The following MLPH variants were observed in gnomAD, a reference collection of about 807,000 sequenced individuals.
MLPH encodes the protein melanophilin.
MLPH carries 51 observed loss-of-function variants against 72.1 expected under a neutral mutation model. The ratio of observed to expected loss-of-function variants is 0.71; its 90% confidence interval spans 0.56 to 0.89. The LOEUF (loss-of-function observed/expected upper bound fraction) is 0.89, where lower values mean the gene tolerates loss of function less well. MLPH is among the 40% of genes least tolerant of loss of function. MLPH has a pLI of 0.00. For synonymous variants in MLPH, 301 were observed against 310.1 expected, an observed-to-expected ratio of 0.97 and a Z score of 0.31; for missense variants, 743 against 759.9, an observed-to-expected ratio of 0.98 and a Z score of 0.26.
chr2:237,495,432 C>T (rs1325051831), intron 2 of MLPH, among the ~76,000 whole-genome samples: 1 of 152,170 alleles, frequency 6.6e-6, no homozygotes, highest in Non-Finnish European at 1.5e-5. Flanking sequence ...GGAGACCGCA[C>T]TGGAAGGGAA....
At chr2:237,528,436 C>T (rs1281181178) in intron 8 of MLPH, among the ~76,000 whole-genome samples, 2 of 151,772 alleles carry the variant, frequency 1.3e-5, no homozygotes, top group Admixed American at 1.3e-4. Context: ...CTGCAACCTC[C>T]ACCTCCCGGG....
At chr2:237,545,771 A>C in intron 12 of MLPH, 1 of 635,884 alleles carries the variant, frequency 1.6e-6, no homozygotes, top group Non-Finnish European at 2.2e-6. Flanking sequence ...TCATGACGGA[A>C]AATACAGGAT....
At chr2:237,511,213 T>C in intron 4 of MLPH, 112 bp downstream of exon 4, 1 of 805,442 alleles carries the variant, frequency 1.2e-6, no homozygotes, top group Non-Finnish European at 2.2e-6. Context: ...TGCATGTGTG[T>C]GTGCACATGT....
intron 1 of MLPH, among the ~76,000 whole-genome samples, chr2:237,492,244 A>T (rs1317174149): frequency 1.3e-5 from 2 of 152,134 alleles, no homozygotes; most frequent in Non-Finnish European, 2.9e-5. Flanking sequence ...TCAAAAAAAA[A>T]GGGCATAAGA....
At chr2:237,507,062 C>CTTTTTTTTTTTTTTTTTTTT (rs61091364) in intron 2 of MLPH, among the ~76,000 whole-genome samples, 42 of 94,532 alleles carry the variant, frequency 4.4e-4, no homozygotes, top group South Asian at 1.1e-3. Context: ...TTTTTTTTTT[C>CTTTTTTTTTTTTTTTTTTTT]TTTTTTTTTT....
intron 6 of MLPH, among the ~76,000 whole-genome samples, chr2:237,523,569 T>C (rs13390651): frequency 0.17 from 25,443 of 152,200 alleles, 2,372 homozygotes; most frequent in African/African-American, 0.23. Context: ...TTGGTTAAAC[T>C]ATAGCTACAG....
chr2:237,532,473 C>G (rs2080441728), intron 8 of MLPH, among the ~76,000 whole-genome samples: 1 of 152,234 alleles, frequency 6.6e-6, no homozygotes, highest in Admixed American at 6.5e-5. Context: ...TCCGCCCCCT[C>G]ACTCCCAAGG....
intron 4 of MLPH, among the ~76,000 whole-genome samples, chr2:237,516,997 G>GTGGATGGATGGA (rs4053461): frequency 1.1e-4 from 14 of 130,734 alleles, no homozygotes; most frequent in Admixed American, 2.2e-4. Flanking sequence ...TGGTAGGTGA[G>GTGGATGGATGGA]TGGATGGATG....
At position 237,530,276 on chromosome 2, in the gene MLPH, C is replaced by T. The variant is rs144621909; in HGVS notation, c.1020+2760C>T. Among the ~76,000 whole-genome samples the T allele has an allele frequency of 3.6e-3, 547 of 152,328 alleles. 8 individuals are homozygous for T. Among genetic ancestry groups the T allele is most frequent in the African/African-American group, 0.012 (519 of 41,582 alleles). On this transcript the variant is annotated intron_variant, in intron 8 of 15. Transcript: ENST00000264605. The stretch of plus-strand genomic sequence containing the variant: ...CCCTCATTCAGCAGGAAATCTGTCC[C>T]GTGGCTGTTCTCACAGGGCCAAACC...
chr2:237,503,192 GA>G (rs2079688441), intron 2 of MLPH, among the ~76,000 whole-genome samples: 1 of 152,062 alleles, frequency 6.6e-6, no homozygotes, highest in African/African-American at 2.4e-5. Context: ...CCCTTAGCCG[GA>G]CTAGTTGGAA....
chr2:237,490,471 T>A (rs540414841), intron 1 of MLPH, among the ~76,000 whole-genome samples: 11 of 152,352 alleles, frequency 7.2e-5, no homozygotes, highest in African/African-American at 2.6e-4. Flanking sequence ...GCTCTAAGAA[T>A]GTGAAGCTTG....
intron 2 of MLPH, among the ~76,000 whole-genome samples, chr2:237,507,062 CTTTTTTTTTTTTTTTT>C (rs61091364): frequency 1.1e-5 from 1 of 94,544 alleles, no homozygotes; most frequent in Admixed American, 1.3e-4. Flanking sequence ...TTTTTTTTTT[CTTTTTTTTTTTTTTTT>C]TTTTTGAGAC....
chr2:237,547,632 G>A (rs1312822241), intron 13 of MLPH, among the ~76,000 whole-genome samples: 1 of 69,440 alleles, frequency 1.4e-5, no homozygotes, highest in African/African-American at 8.8e-5. Context: ...GTTGCTCCCC[G>A]TGTTCAGGTG....
intron 14 of MLPH, among the ~76,000 whole-genome samples, 198 bp downstream of exon 14, chr2:237,549,476 C>T (rs77592964): frequency 0.022 from 3,313 of 152,282 alleles, 125 homozygotes; most frequent in African/African-American, 0.075. Flanking sequence ...CTGGAACTTG[C>T]TGCTTTAAGC....
At position 237,510,182 on chromosome 2, in the gene MLPH, G is replaced by T. The variant is rs2079859663; in HGVS notation, c.111-392G>T. 6.2e-6 allele frequency: 2 copies of T among 320,398 alleles called. No individual in the cohort carries two copies. The allele number at this position is 320,398 out of a possible 1,614,324, so 19.8% of individuals were successfully genotyped here. On this transcript the variant is annotated intron_variant, in intron 2 of 15. Transcript: ENST00000264605. This position sits in a 1 kb window ranked among gnomAD's most constrained non-coding sequence, Gnocchi z 4.4. ...CTCAACTCTTGCCCCCCTGCTGAAG[G>T]AGACCAAAACAATGCTTGATCAGGA...
intron 6 of MLPH, among the ~76,000 whole-genome samples, chr2:237,522,898 G>T (rs570496586): frequency 1.3e-5 from 2 of 152,302 alleles, no homozygotes; most frequent in South Asian, 2.1e-4. Flanking sequence ...CTGCTTGAGG[G>T]CTGCTGTATT....
In MLPH at chr2:237,540,397, T is replaced by C. The variant is rs2080646605; in HGVS notation, c.1154T>C (p.Leu385Pro). 1 of 1,613,462 alleles carries C rather than the reference T, an allele frequency of 6.2e-7. No homozygotes were observed. The highest frequency in any genetic ancestry group is 8.5e-7 in the Non-Finnish European group (1 of 1,179,878). The change falls in exon 10 of 16, where the codon CTG (leucine) becomes CCG (proline). Residue 385 changes from leucine to proline, a missense_variant. Coordinates refer to ENST00000264605, the MANE Select transcript of MLPH (RefSeq NM_024101.7). ...RTEADVEEEA[L>P]RRKLEELTSN... ...GAGGCCGATGTAGAGGAGGAGGCCC[T>C]GAGGAGGAAGCTGGAGGAGCTGACC...
rs1229181106 is a variant in MLPH at position 237,554,227 on chromosome 2, C to T, written c.*635C>T. 2 of 190,018 alleles carry T rather than the reference C, an allele frequency of 1.1e-5. No individual in the cohort carries two copies. The highest frequency in any genetic ancestry group is 2.2e-5 in the Non-Finnish European group (2 of 90,102). 11.8% of individuals were successfully genotyped at this position (190,018 alleles called of 1,614,324 possible). ...ACTGCGGTCAAGGGCAGAGCCTGCA[C>T]ATGACAGCAAGTGAGCATTTGATAG... On this transcript the variant is annotated 3_prime_UTR_variant, in exon 16 of 16. Transcript: ENST00000264605.
intron 5 of MLPH, 55 bp from the exon 6 acceptor site, chr2:237,519,855 C>T (rs1374256024): frequency 8.7e-6 from 14 of 1,613,280 alleles, no homozygotes; most frequent in Middle Eastern, 1.6e-4. Context: ...GGTATTTGGT[C>T]CTCTCCCTCA....
Sources: gnomAD v4.1 joint callset for allele counts (sites outside exome capture counted in the v4.1 genomes callset) on GRCh38, gnomAD v4.1.1 for gene constraint, Gnocchi (gnomAD v3.1) non-coding constraint, MANE v1.5 for transcripts, NCBI Gene and HGNC (gene_info 2026-07-23, HGNC 2026-07-21) for gene names.